ARHGAP8: variants seen among roughly 807,000 people sequenced by gnomAD.
The protein encoded by ARHGAP8 is rho GTPase-activating protein 8.
In ARHGAP8, 62 loss-of-function variants were observed where a neutral mutation model predicts 46.1. The ratio of observed to expected loss-of-function variants is 1.34; its 90% CI spans 1.10 to 1.66. ARHGAP8 has a LOEUF of 1.66. Ranked by LOEUF, ARHGAP8 falls within the 40% of genes most tolerant of loss-of-function variation. The pLI is 0.00. For synonymous variants in ARHGAP8, 375 were observed against 243.1 expected (o/e 1.54, Z -5.05); for missense variants, 923 against 568.4 (o/e 1.62, Z -6.34).
intron 2 of ARHGAP8, among the ~76,000 whole-genome samples, chr22:44,796,644 G>C (rs1447912907): frequency 1.3e-5 from 2 of 152,126 alleles, no homozygotes; most frequent in Non-Finnish European, 2.9e-5. Context: ...ATGCTATGAT[G>C]ATGGGCCCAA....
At chr22:44,785,548 A>G (rs1042647045) in intron 1 of ARHGAP8, among the ~76,000 whole-genome samples, 3 of 151,960 alleles carry the variant, frequency 2.0e-5, no homozygotes, top group Admixed American at 2.0e-4. Flanking sequence ...GATCCAGTTG[A>G]CCACATCTTA....
intron 7 of ARHGAP8, among the ~76,000 whole-genome samples, chr22:44,830,520 T>A (rs1278596523): frequency 1.3e-5 from 2 of 151,106 alleles, no homozygotes; most frequent in Admixed American, 1.3e-4. Flanking sequence ...ATTTTTATTT[T>A]TTATTTTCTT....
At chr22:44,758,142 C>A (rs745423944) in intron 1 of ARHGAP8, among the ~76,000 whole-genome samples, 4 of 152,076 alleles carry the variant, frequency 2.6e-5, no homozygotes, top group Non-Finnish European at 5.9e-5. Context: ...AAAGAGTAAC[C>A]AGATCTTTCT....
chr22:44,857,537 T>C (rs1325630370), intron 10 of ARHGAP8, among the ~76,000 whole-genome samples: 2 of 152,094 alleles, frequency 1.3e-5, no homozygotes, highest in Non-Finnish European at 2.9e-5. Context: ...GTCCACTGAG[T>C]GTGCTGATGC....
At chr22:44,813,157 A>C (rs1463730986) in intron 4 of ARHGAP8, among the ~76,000 whole-genome samples, 1 of 152,118 alleles carries the variant, frequency 6.6e-6, no homozygotes, top group Non-Finnish European at 1.5e-5. Flanking sequence ...AGATCTGGAC[A>C]AGCGGAGTGC....
chr22:44,789,068 A>G (rs1181966493), intron 2 of ARHGAP8, among the ~76,000 whole-genome samples: 2 of 152,198 alleles, frequency 1.3e-5, no homozygotes, highest in African/African-American at 2.4e-5. Context: ...ACAGCTCCCA[A>G]AATTGGACTT....
At chr22:44,814,651 A>G in intron 4 of ARHGAP8, 21 bp from the exon 5 acceptor site, 1 of 1,609,544 alleles carries the variant, frequency 6.2e-7, no homozygotes, top group South Asian at 1.1e-5. Context: ...GCCTGAAGTC[A>G]TCCCCCGTTT....
In ARHGAP8 at chr22:44,821,864, G is replaced by A. The variant is rs190357512; in HGVS notation, c.387-507G>A. Reference sequence around the variant, plus strand: ...GTGGCTGCGCTGCTCCCTGGGGTCCGAGAGACTGTCCTGGAGACAAACCTG... The same window carrying A: ...GTGGCTGCGCTGCTCCCTGGGGTCCAAGAGACTGTCCTGGAGACAAACCTG... On this transcript the variant is annotated intron_variant, in intron 5 of 11. Transcript: ENST00000356099. Among the ~76,000 whole-genome samples the A allele has an allele frequency of 3.0e-3, 458 of 152,222 alleles. 1 individual carries two copies. The highest frequency in any genetic ancestry group is 0.01 in the African/African-American group (436 of 41,536).
intron 1 of ARHGAP8, among the ~76,000 whole-genome samples, chr22:44,758,936 T>C (rs1924906844): frequency 6.6e-6 from 1 of 152,186 alleles, no homozygotes; most frequent in Non-Finnish European, 1.5e-5. Flanking sequence ...GACACGGATT[T>C]ACCATTTTTT....
intron 7 of ARHGAP8, among the ~76,000 whole-genome samples, chr22:44,830,320 G>A (rs533385882): frequency 4.6e-5 from 7 of 151,396 alleles, no homozygotes; most frequent in Admixed American, 3.3e-4. Flanking sequence ...CACTGCACCC[G>A]GCTGTTACTG....
rs1157301347 is a variant in ARHGAP8, at chr22:44,862,304, G to T, written c.1011G>T (p.Met337Ile). 4 of 1,601,296 alleles carry T rather than the reference G, an allele frequency of 2.5e-6. No individual in the cohort carries two copies. Among genetic ancestry groups the T allele is most frequent in the African/African-American group, 2.7e-5 (2 of 74,680 alleles). The change falls in exon 12 of 12, where the codon ATG (methionine) becomes ATT (isoleucine). Residue 337 changes from methionine (M) to isoleucine (I), a missense_variant. Coordinates refer to ENST00000356099, the MANE Select transcript of ARHGAP8 (RefSeq NM_181335.3). ...AVSRESIFNK[M>I]NSSNLACVFG... ...CCCGGGAGAGCATCTTCAACAAAAT[G>T]AACAGCTCTAACCTGGCCTGTGTCT...
chr22:44,808,546 A>T, intron 4 of ARHGAP8, 108 bp downstream of exon 4: 1 of 1,503,526 alleles, frequency 6.7e-7, no homozygotes, highest in Non-Finnish European at 8.9e-7. Context: ...GGGGTCTGGT[A>T]GGGCGGAGGG....
chr22:44,860,389 T>G (rs929193641), intron 11 of ARHGAP8, among the ~76,000 whole-genome samples: 1 of 152,080 alleles, frequency 6.6e-6, no homozygotes, highest in Non-Finnish European at 1.5e-5. Context: ...CTCTCCCAGC[T>G]CCTGGTCACT....
chr22:44,803,012 G>A (rs1021009228), intron 3 of ARHGAP8, among the ~76,000 whole-genome samples: 26 of 151,874 alleles, frequency 1.7e-4, no homozygotes, highest in Admixed American at 7.2e-4. Context: ...TGCTGCTGCC[G>A]CCACCACTGG....
At chr22:44,861,367 T>C (rs973397996) in intron 11 of ARHGAP8, among the ~76,000 whole-genome samples, 1 of 152,170 alleles carries the variant, frequency 6.6e-6, no homozygotes, top group Non-Finnish European at 1.5e-5. Flanking sequence ...TGGTGTTGCG[T>C]GTTATCACCC....
In ARHGAP8 at chr22:44,862,712, T is replaced by C. The variant is rs2070562307; in HGVS notation, c.*117T>C. 8.0e-7 allele frequency: 1 copy of C among 1,247,918 alleles called. No homozygotes were observed. Among genetic ancestry groups the C allele is most frequent in the Non-Finnish European group, 1.1e-6 (1 of 929,726 alleles). 77.3% of individuals were successfully genotyped at this position (1,247,918 alleles called of 1,614,324 possible). ...GCCATTAGATGAATTCAGAACCTTC[T>C]AATGAAAACTCCATGCCTCTGGTCC... On this transcript the variant is annotated 3_prime_UTR_variant, in exon 12 of 12. Transcript: ENST00000356099.
intron 7 of ARHGAP8, among the ~76,000 whole-genome samples, chr22:44,826,355 A>T (rs531928194): frequency 4.6e-5 from 7 of 151,980 alleles, no homozygotes; most frequent in Non-Finnish European, 1.0e-4. Context: ...CCTTCCTAAT[A>T]CCCTTTATCA....
rs71315119 is a variant in ARHGAP8 at position 44,854,024 on chromosome 22, C to CAAAAAA, written c.877+4997_877+5002dup. 5.5e-4 allele frequency among the ~76,000 whole-genome samples: 24 copies of CAAAAAA among 43,302 alleles called. 5 individuals are homozygous for CAAAAAA. Among genetic ancestry groups the CAAAAAA allele is most frequent in the African/African-American group, 7.1e-4 (8 of 11,200 alleles). The allele number at this position is 43,302 out of a possible 152,430, so 28.4% of individuals were successfully genotyped here. A position where few individuals can be genotyped will look rare whatever the true frequency, so the allele number is the denominator to read the frequency against. On this transcript the variant is annotated intron_variant, in intron 10 of 11. Coordinates refer to ENST00000356099, the MANE Select transcript of ARHGAP8 (RefSeq NM_181335.3). ...CCTGGGACACAGCGAGACTCTGTCTCAAAAAAAAAAAAAAAAAAAAAAAAA... is the reference window on the plus strand; with the variant it reads ...CCTGGGACACAGCGAGACTCTGTCTCAAAAAAAAAAAAAAAAAAAAAAAAAAAAAAA...
At chr22:44,810,403 G>A (rs34879221) in intron 4 of ARHGAP8, among the ~76,000 whole-genome samples, 24,508 of 151,864 alleles carry the variant, frequency 0.16, 2,566 homozygotes, top group South Asian at 0.26. Flanking sequence ...CACCATGCCC[G>A]GCTAATTTTT....
Sources: allele counts gnomAD v4.1 joint callset (sites outside exome capture counted in the v4.1 genomes callset), GRCh38; gene constraint gnomAD v4.1.1; transcripts MANE v1.5; gene names NCBI Gene and HGNC (gene_info 2026-07-23, HGNC 2026-07-21).